PPM1H: variants seen among roughly 807,000 people sequenced by gnomAD.
PPM1H encodes protein phosphatase, Mg2+/Mn2+ dependent 1H, also known as protein phosphatase 1H.
In PPM1H, 27 loss-of-function variants were observed where a neutral mutation model predicts 54.9. That is an observed-to-expected ratio of 0.49 (90% CI 0.36 to 0.68). The LOEUF (loss-of-function observed/expected upper bound fraction) is 0.68. PPM1H is among the 30% of genes least tolerant of loss of function. PPM1H has a pLI of 0.00. For missense variants in PPM1H, 596 were observed against 667.8 expected (o/e 0.89, Z 1.19); for synonymous variants, 305 against 270.8 (o/e 1.13, Z -1.24).
At chr12:62,766,449 G>A (rs767035969) in intron 4 of PPM1H, among the ~76,000 whole-genome samples, 10 of 152,086 alleles carry the variant, frequency 6.6e-5, no homozygotes, top group Admixed American at 2.6e-4. Flanking sequence ...TGTACTGTAA[G>A]GCCCTTGCGC....
At chr12:62,742,693 G>A (rs1421926144) in intron 4 of PPM1H, among the ~76,000 whole-genome samples, 5 of 152,178 alleles carry the variant, frequency 3.3e-5, no homozygotes, top group African/African-American at 4.8e-5. Context: ...GGAGAGCTAC[G>A]TATACACTCT....
intron 6 of PPM1H, among the ~76,000 whole-genome samples, chr12:62,713,949 CAG>C (rs1342714662): frequency 1.3e-5 from 2 of 151,872 alleles, no homozygotes; most frequent in East Asian, 3.9e-4. Flanking sequence ...GCCTGAGTGA[CAG>C]AGTGAGACCC....
At position 62,767,556 on chromosome 12, in the gene PPM1H, G is replaced by A. The variant is rs117923026; in HGVS notation, c.869+20670C>T. 9.6e-3 allele frequency among the ~76,000 whole-genome samples: 1,467 copies of A among 152,206 alleles called. 13 individuals carry two copies. The highest frequency in any genetic ancestry group is 0.017 in the Non-Finnish European group (1,124 of 68,016). On this transcript the variant is annotated intron_variant, in intron 4 of 9. Transcript: ENST00000228705. Reference sequence around the variant, plus strand: ...AGGTCTGATTGGCTTGGGCATAGTCGCAGGGGTATTCTGCCAGCTTCAGCA... The same window carrying A: ...AGGTCTGATTGGCTTGGGCATAGTCACAGGGGTATTCTGCCAGCTTCAGCA...
At chr12:62,658,182 AT>A (rs1173229360) in intron 9 of PPM1H, among the ~76,000 whole-genome samples, 1,774 of 87,370 alleles carry the variant, frequency 0.02, 32 homozygotes, top group African/African-American at 0.046. Flanking sequence ...AACACGGTGA[AT>A]TTTTTTTTTT....
intron 8 of PPM1H, among the ~76,000 whole-genome samples, chr12:62,672,255 G>C (rs890899740): frequency 6.6e-6 from 1 of 152,190 alleles, no homozygotes; most frequent in East Asian, 1.9e-4. Flanking sequence ...GCTTTTGCGA[G>C]AGCAACCAGG....
chr12:62,897,285 T>C (rs1461781686), intron 1 of PPM1H, among the ~76,000 whole-genome samples: 1 of 152,070 alleles, frequency 6.6e-6, no homozygotes, highest in Non-Finnish European at 1.5e-5. Flanking sequence ...CCTACTCCCT[T>C]GTGCCCTCCC....
chr12:62,884,548 A>C (rs1870517662), intron 1 of PPM1H, among the ~76,000 whole-genome samples: 1 of 151,916 alleles, frequency 6.6e-6, no homozygotes. Context: ...AAGAAAAAAA[A>C]GAAATATCAG....
At chr12:62,686,536 C>T (rs942387363) in intron 8 of PPM1H, among the ~76,000 whole-genome samples, 38 of 152,136 alleles carry the variant, frequency 2.5e-4, no homozygotes, top group African/African-American at 8.7e-4. Context: ...GGAGGTCCGA[C>T]ATTTATTGCT....
chr12:62,817,819 A>T (rs1195503727), intron 2 of PPM1H, among the ~76,000 whole-genome samples: 1 of 152,070 alleles, frequency 6.6e-6, no homozygotes, highest in African/African-American at 2.4e-5. Flanking sequence ...TTTTGATCCT[A>T]TTTGCCTGGA....
chr12:62,834,035 G>A (rs1434954409), intron 1 of PPM1H, among the ~76,000 whole-genome samples: 2 of 152,212 alleles, frequency 1.3e-5, no homozygotes, highest in Admixed American at 6.5e-5. Flanking sequence ...GTCCTATCGG[G>A]TTTACTACTA....
chr12:62,921,140 G>T (rs990445719), intron 1 of PPM1H, among the ~76,000 whole-genome samples: 1 of 151,926 alleles, frequency 6.6e-6, no homozygotes, highest in Admixed American at 6.6e-5. Context: ...GGCCAGGCTG[G>T]TCTCAAACTC....
intron 5 of PPM1H, among the ~76,000 whole-genome samples, chr12:62,723,712 T>C (rs1161590239): frequency 1.3e-5 from 2 of 151,878 alleles, no homozygotes; most frequent in East Asian, 1.9e-4. Context: ...AGTATTGTTA[T>C]AGCAGCACCA....
At chr12:62,674,634 C>T (rs534086686) in intron 8 of PPM1H, among the ~76,000 whole-genome samples, 14 of 152,310 alleles carry the variant, frequency 9.2e-5, no homozygotes, top group African/African-American at 3.4e-4. Context: ...TTGAAACCCA[C>T]CTCTGCATTA....
intron 2 of PPM1H, among the ~76,000 whole-genome samples, chr12:62,821,443 G>C (rs1215785224): frequency 2.0e-5 from 3 of 152,142 alleles, no homozygotes; most frequent in Admixed American, 6.5e-5. Context: ...TACTCCTCAA[G>C]AAGAGCAACC....
Position 62,652,942 on chromosome 12 carries a change from C to T in PPM1H, c.1398-4306G>A, listed in dbSNP as rs547584589. Among the ~76,000 whole-genome samples the T allele has an allele frequency of 4.6e-5, 7 of 152,078 alleles. No homozygotes were observed. In the South Asian group the frequency reaches 1.5e-3, roughly 32 times the overall value. On this transcript the variant is annotated intron_variant, in intron 9 of 9. Coordinates refer to ENST00000228705, the MANE Select transcript of PPM1H (RefSeq NM_020700.2). Reference sequence around the variant, plus strand: ...AATGGTCTGTGAGTGGTAAGCTCACCTAGTCTTTGGATTAAGAAAATCTTT... The same window carrying T: ...AATGGTCTGTGAGTGGTAAGCTCACTTAGTCTTTGGATTAAGAAAATCTTT...
At chr12:62,916,075 T>G (rs772486734) in intron 1 of PPM1H, among the ~76,000 whole-genome samples, 5 of 152,170 alleles carry the variant, frequency 3.3e-5, no homozygotes, top group Non-Finnish European at 7.3e-5. Context: ...TTCATCACAG[T>G]AGCTTATTAT....
At chr12:62,787,944 T>C (rs1466329766) in intron 4 of PPM1H, among the ~76,000 whole-genome samples, 2 of 152,188 alleles carry the variant, frequency 1.3e-5, no homozygotes, top group Non-Finnish European at 2.9e-5. Context: ...CTCTCACATA[T>C]TATGCTCCTG....
intron 6 of PPM1H, among the ~76,000 whole-genome samples, chr12:62,712,156 G>A (rs1235356455): frequency 2.0e-5 from 3 of 152,152 alleles, no homozygotes; most frequent in Non-Finnish European, 4.4e-5. Context: ...CTCCAGCCCC[G>A]TTGGAATTTG....
chr12:62,793,864 A>G (rs1356235142), intron 3 of PPM1H, among the ~76,000 whole-genome samples: 1 of 152,102 alleles, frequency 6.6e-6, no homozygotes, highest in Admixed American at 6.5e-5. Context: ...AAAGTCTCAT[A>G]GATGATGCAA....
Sources: gnomAD v4.1 joint callset for allele counts (sites outside exome capture counted in the v4.1 genomes callset) on GRCh38, gnomAD v4.1.1 for gene constraint, MANE v1.5 for transcripts, NCBI Gene and HGNC (gene_info 2026-07-23, HGNC 2026-07-21) for gene names.